The following TFB2M variants were observed in gnomAD, a reference collection of about 807,000 sequenced individuals.
TFB2M encodes the protein transcription factor B2, mitochondrial.
Under a neutral mutation model 41.3 loss-of-function variants are expected in TFB2M, and 44 were observed. That is an observed-to-expected ratio of 1.07 (90% confidence interval 0.84 to 1.37). The LOEUF is 1.37. Ranked by LOEUF, TFB2M falls within the 40% of genes most tolerant of loss-of-function variation. TFB2M has a pLI of 0.00. For missense variants in TFB2M, 496 were observed against 490.2 expected (o/e 1.01, Z -0.11); for synonymous variants, 188 against 176.8 (o/e 1.06, Z -0.50).
chr1:246,563,919 T>A (rs1300821402), intron 2 of TFB2M, among the ~76,000 whole-genome samples: 1 of 152,222 alleles, frequency 6.6e-6, no homozygotes, highest in Non-Finnish European at 1.5e-5. Flanking sequence ...GATAAAATAC[T>A]TAATTTGTAT....
intron 7 of TFB2M, 146 bp downstream of exon 7, chr1:246,544,375 C>A: frequency 1.4e-6 from 1 of 705,024 alleles, no homozygotes; most frequent in Non-Finnish European, 2.3e-6. Context: ...AAATGTACAC[C>A]AGGGAGAACA....
At chr1:246,546,577 G>A (rs147712625) in intron 6 of TFB2M, among the ~76,000 whole-genome samples, 2,021 of 150,582 alleles carry the variant, frequency 0.013, 48 homozygotes, top group African/African-American at 0.047. Context: ...TCATGCCATC[G>A]CACTCCAGCC....
At chr1:246,564,814 G>T (rs1659564932) in intron 1 of TFB2M, among the ~76,000 whole-genome samples, 1 of 151,978 alleles carries the variant, frequency 6.6e-6, no homozygotes, top group South Asian at 2.1e-4. Context: ...CGAGTAGCTG[G>T]GATTACAGGC....
At chr1:246,550,001 G>A (rs1659128770) in intron 5 of TFB2M, among the ~76,000 whole-genome samples, 1 of 152,236 alleles carries the variant, frequency 6.6e-6, no homozygotes, top group African/African-American at 2.4e-5. Context: ...TACAGATGTA[G>A]ACACACAGTG....
At chr1:246,554,936 A>G (rs1659281555) in intron 4 of TFB2M, among the ~76,000 whole-genome samples, 1 of 152,198 alleles carries the variant, frequency 6.6e-6, no homozygotes, top group Non-Finnish European at 1.5e-5. Context: ...ATGGGAGAAA[A>G]TATTTGTAAA....
intron 1 of TFB2M, 67 bp downstream of exon 1, chr1:246,565,759 C>T: frequency 1.3e-6 from 2 of 1,516,598 alleles, no homozygotes; most frequent in Non-Finnish European, 1.8e-6. Context: ...AAATAGCACC[C>T]CGAGGAGGGT....
chr1:246,549,800 T>C (rs1238484180), intron 5 of TFB2M, among the ~76,000 whole-genome samples: 3 of 152,186 alleles, frequency 2.0e-5, no homozygotes, highest in Non-Finnish European at 1.5e-5. Flanking sequence ...CATATAATTG[T>C]GGCCAAATTG....
At position 246,554,800 on chromosome 1, in the gene TFB2M, C is replaced by T. The variant is rs144748376; in HGVS notation, c.705+1773G>A. 1.4e-3 allele frequency among the ~76,000 whole-genome samples: 216 copies of T among 152,004 alleles called. 1 individual carries two copies. The highest frequency in any genetic ancestry group is 4.9e-3 in the African/African-American group (203 of 41,438). On this transcript the variant is annotated intron_variant, in intron 4 of 7. Coordinates refer to ENST00000366514, the MANE Select transcript of TFB2M (RefSeq NM_022366.3). ...TGGTGCCAAAGATGTTGGGGACCGCCCAGCTACGTATGATACCAAAGGCAC... is the reference window on the plus strand; with the variant it reads ...TGGTGCCAAAGATGTTGGGGACCGCTCAGCTACGTATGATACCAAAGGCAC...
At chr1:246,554,583 T>C (rs1219841154) in intron 4 of TFB2M, among the ~76,000 whole-genome samples, 2 of 152,192 alleles carry the variant, frequency 1.3e-5, no homozygotes, top group South Asian at 2.1e-4. Flanking sequence ...AGTAGGACCA[T>C]CTAGTTTCAG....
chr1:246,546,538 C>T (rs879582523), intron 6 of TFB2M, among the ~76,000 whole-genome samples: 1 of 150,970 alleles, frequency 6.6e-6, no homozygotes, highest in Admixed American at 6.6e-5. Flanking sequence ...CACTTGAACT[C>T]GGGAGGTAGG....
chr1:246,551,297 T>C lies in TFB2M; in HGVS notation c.711A>G (p.Leu237=). 3 of 1,607,428 alleles carry C rather than the reference T, an allele frequency of 1.9e-6. No homozygotes were observed. The highest frequency in any genetic ancestry group is 2.6e-6 in the Non-Finnish European group (3 of 1,174,064). ...AGTCTGGATTTCCGGGATCTGCCATTAGTTTCTAGTAAAAGGAAAATAAAA... is the reference window on the plus strand; with the variant it reads ...AGTCTGGATTTCCGGGATCTGCCATCAGTTTCTAGTAAAAGGAAAATAAAA... ...MFIGEKEFQK[L]MADPGNPDLY... The change falls in exon 5 of 8, where the codon CTA becomes CTG. Residue 237 remains leucine (L), a synonymous_variant. Transcript: ENST00000366514.
Position 246,551,552 on chromosome 1 carries a change from C to A in TFB2M, c.706-250G>T, listed in dbSNP as rs578180251. 1.4e-4 allele frequency among the ~76,000 whole-genome samples: 21 copies of A among 152,256 alleles called. No individual in the cohort carries two copies. The South Asian group carries it at 4.3e-3, about 32-fold the overall frequency. ...TGAGATGATCGTGCCTGTGAATAGC[C>A]ACAGCACTCCGGCAGGGGCAACGGC... is the stretch of plus-strand genomic sequence containing the variant. On this transcript the variant is annotated intron_variant, in intron 4 of 7. Coordinates refer to ENST00000366514, the MANE Select transcript of TFB2M (RefSeq NM_022366.3).
chr1:246,558,975 T>C (rs1394783177), intron 2 of TFB2M, among the ~76,000 whole-genome samples: 1 of 152,200 alleles, frequency 6.6e-6, no homozygotes, highest in Non-Finnish European at 1.5e-5. Flanking sequence ...TACACTGATG[T>C]TTCTGTGCAC....
intron 6 of TFB2M, among the ~76,000 whole-genome samples, chr1:246,546,514 T>C (rs1659022651): frequency 6.7e-6 from 1 of 149,890 alleles, no homozygotes; most frequent in Non-Finnish European, 1.5e-5. Context: ...TTCGGGAGGG[T>C]GAGGCAGGAG....
intron 2 of TFB2M, among the ~76,000 whole-genome samples, chr1:246,561,434 A>C (rs1280582387): frequency 2.0e-5 from 3 of 152,128 alleles, no homozygotes; most frequent in Admixed American, 2.0e-4. Context: ...TTTTTCATTA[A>C]ACAATTGTTT....
intron 3 of TFB2M, 37 bp downstream of exon 3, chr1:246,557,344 A>G: frequency 6.3e-7 from 1 of 1,593,752 alleles, no homozygotes; most frequent in Non-Finnish European, 8.5e-7. Context: ...CACCTGGCAA[A>G]TTCTAGGTAT....
intron 7 of TFB2M, among the ~76,000 whole-genome samples, chr1:246,543,999 C>A (rs1215955067): frequency 4.6e-5 from 7 of 151,756 alleles, no homozygotes; most frequent in Non-Finnish European, 8.8e-5. Context: ...CTAACAACAA[C>A]AAAAAAATGT....
chr1:246,542,840 G>T (rs543203794), intron 7 of TFB2M, among the ~76,000 whole-genome samples: 1 of 150,004 alleles, frequency 6.7e-6, no homozygotes, highest in East Asian at 1.9e-4. Context: ...AAGGTGGCAA[G>T]ATGAAAAATA....
Position 246,543,106 on chromosome 1 carries a change from C to T in TFB2M, c.1019+1415G>A, listed in dbSNP as rs189595735. 1.6e-4 allele frequency among the ~76,000 whole-genome samples: 25 copies of T among 151,668 alleles called. No homozygotes were observed. In the East Asian group the frequency reaches 4.5e-3, roughly 27 times the overall value. ...ATCCCCGGCCTCCTCAAGTGATCCT[C>T]CCACCTTGGCCTCACAAAAATGCTC... On this transcript the variant is annotated intron_variant, in intron 7 of 7. Coordinates refer to ENST00000366514, the MANE Select transcript of TFB2M (RefSeq NM_022366.3).
Sources: allele counts gnomAD v4.1 joint callset (sites outside exome capture counted in the v4.1 genomes callset), GRCh38; gene constraint gnomAD v4.1.1; transcripts MANE v1.5; gene names NCBI Gene and HGNC (gene_info 2026-07-23, HGNC 2026-07-21).